The following GNL3 variants were observed in gnomAD, a reference collection of about 807,000 sequenced individuals.
GNL3 encodes the protein G protein nucleolar 3, also known as guanine nucleotide-binding protein-like 3.
A neutral mutation model predicts 70.6 loss-of-function variants in GNL3; 77 were observed. That is an observed-to-expected ratio of 1.09 (90% CI 0.91 to 1.32). The LOEUF (loss-of-function observed/expected upper bound fraction) is 1.32, where lower values mean the gene tolerates loss of function less well. Ranked by LOEUF, GNL3 falls within the 40% of genes most tolerant of loss-of-function variation. GNL3 has a pLI of 0.00. For missense variants in GNL3, 634 were observed against 644.0 expected (o/e 0.98, Z 0.17); for synonymous variants, 252 against 216.1 (o/e 1.17, Z -1.46).
chr3:52,687,431 G>A lies in GNL3; in HGVS notation c.210+48G>A, dbSNP rs377488849. ...TTCATTGAGTGGTGTAGTGTGTTAT[G>A]TGTGATATTTTTCAGAGTAAGGTAA... On this transcript the variant is annotated intron_variant, in intron 3 of 14. Coordinates refer to ENST00000418458, the MANE Select transcript of GNL3 (RefSeq NM_014366.5). The A allele has an allele frequency of 3.1e-6, 5 of 1,604,408 alleles. No homozygotes were observed. The South Asian group carries it at 3.3e-5, about 11-fold the overall frequency.
At position 52,692,877 on chromosome 3, in the gene GNL3, T is replaced by G; in HGVS notation, c.875T>G (p.Met292Arg). ...VGVSMGLTRS[M>R]QVVPLDKQIT... ...TTCCATCGCTCTTCTTTCAGGAGCA[T>G]GCAAGTTGTCCCCTTGGACAAACAG... Residue 292 changes from methionine (M) to arginine (R), a missense_variant, in exon 10 of 15, where the codon ATG (methionine) becomes AGG (arginine). Physicochemically the swap from Met to Arg is moderately conservative, Grantham distance 91 (BLOSUM62 -1). Transcript: ENST00000418458. 6.2e-7 allele frequency: 1 copy of G among 1,611,788 alleles called. No homozygotes were observed.
chr3:52,693,893 T>A, intron 13 of GNL3, 86 bp downstream of exon 13: 1 of 1,369,042 alleles, frequency 7.3e-7, no homozygotes, highest in Non-Finnish European at 1.0e-6. Flanking sequence ...TAGGAAATAT[T>A]TGAGGCTTGT....
Position 52,693,026 on chromosome 3 carries a change from T to G in GNL3, c.1024T>G (p.Ser342Ala). The change falls in exon 10 of 15, where the codon TCC (serine) becomes GCC (alanine). Residue 342 changes from serine to alanine, a missense_variant. Transcript: ENST00000418458. Reference protein sequence around the residue: ...KPMEAASAILSQADARQVVLK... With the variant: ...KPMEAASAILAQADARQVVLK... ...GATGGAGGCTGCCAGTGCCATCCTT[T>G]CCCAGGCTGATGCTCGACAGGTAAA... The G allele has an allele frequency of 6.2e-7, 1 of 1,614,208 alleles. No homozygotes were observed. Among genetic ancestry groups the G allele is most frequent in the Middle Eastern group, 1.6e-4 (1 of 6,062 alleles).
chr3:52,686,196 T>C, intron 1 of GNL3, 91 bp downstream of exon 1: 1 of 1,422,682 alleles, frequency 7.0e-7, no homozygotes. Context: ...CGGCTTTGTC[T>C]CTGCTGGTAT....
chr3:52,686,783 A>C lies in GNL3; in HGVS notation c.28A>C (p.Ser10Arg). The change falls in exon 2 of 15, where the codon AGT (serine) becomes CGT (arginine). Residue 10 changes from serine (S) to arginine (R), a missense_variant. Ser to Arg is a moderately radical substitution (Grantham distance 110). Transcript: ENST00000418458. Reference protein sequence around the residue: MKRPKLKKASKRMTCHKRYK... With the variant: MKRPKLKKARKRMTCHKRYK... ...TTTCTTTGTAGAGTTAAAGAAAGCA[A>C]GTAAACGCATGACCTGCCATAAGCG... The C allele has an allele frequency of 6.2e-7, 1 of 1,612,458 alleles. No homozygotes were observed. The highest frequency in any genetic ancestry group is 8.5e-7 in the Non-Finnish European group (1 of 1,178,416).
At chr3:52,685,966 C>G, upstream of GNL3, 1 of 751,150 alleles carries the variant, frequency 1.3e-6, no homozygotes, top group Non-Finnish European at 2.5e-6. Context: ...CGTGCCCGCG[C>G]ACGCAGAGAG....
At chr3:52,687,098 A>G in intron 2 of GNL3, 148 bp from the exon 3 acceptor site, 2 of 690,548 alleles carry the variant, frequency 2.9e-6, no homozygotes, top group Non-Finnish European at 5.0e-6. Flanking sequence ...TTACATATGC[A>G]TTACTTTGTA....
intron 2 of GNL3, 192 bp downstream of exon 2, chr3:52,687,019 C>CAGCATG: frequency 1.6e-6 from 1 of 630,796 alleles, no homozygotes; most frequent in Non-Finnish European, 2.8e-6. Flanking sequence ...TGATAAGTCT[C>CAGCATG]TAAATTTGTT....
At position 52,693,469 on chromosome 3, in the gene GNL3, G is replaced by C. The variant is rs113119676; in HGVS notation, c.1249G>C (p.Glu417Gln). The C allele has an allele frequency of 5.0e-6, 8 of 1,614,016 alleles. No individual in the cohort carries two copies. The highest frequency in any genetic ancestry group is 4.0e-5 in the African/African-American group (3 of 75,044). The change falls in exon 12 of 15, where the codon GAG (glutamate) becomes CAG (glutamine). Residue 417 changes from glutamate to glutamine, a missense_variant. Physicochemically the swap from Glu to Gln is conservative, Grantham distance 29. Coordinates refer to ENST00000418458, the MANE Select transcript of GNL3 (RefSeq NM_014366.5). ...TSWTPPPYFN[E>Q]SIVVDMKSGF... ...TTGGACTCCTCCTCCATATTTTAATGAGAGTATTGTGGTAGACATGAAAAG... is the reference window on the plus strand; with the variant it reads ...TTGGACTCCTCCTCCATATTTTAATCAGAGTATTGTGGTAGACATGAAAAG...
chr3:52,691,617 T>C lies in GNL3; in HGVS notation c.857T>C (p.Met286Thr), dbSNP rs1455344455. The change falls in exon 9 of 15, where the codon ATG becomes ACG. Residue 286 changes from methionine (M) to threonine (T), a missense_variant. Transcript: ENST00000418458. ...QEQMCNVGVS[M>T]GLTRSMQVVP... ...CAGATGTGTAATGTTGGTGTATCCATGGGGCTTACAAGGTAAATGGAGGTG... is the reference window on the plus strand; with the variant it reads ...CAGATGTGTAATGTTGGTGTATCCACGGGGCTTACAAGGTAAATGGAGGTG... 1.3e-6 allele frequency: 2 copies of C among 1,563,950 alleles called. No homozygotes were observed. Among genetic ancestry groups the C allele is most frequent in the South Asian group, 1.1e-5 (1 of 89,982 alleles).
In GNL3 at chr3:52,693,763, G is replaced by A; in HGVS notation, c.1456G>A (p.Asp486Asn). 14 of 1,614,130 alleles carry A rather than the reference G, an allele frequency of 8.7e-6. No homozygotes were observed. The highest frequency in any genetic ancestry group is 1.2e-5 in the Non-Finnish European group (14 of 1,179,964). ...AGAAAGGAAGCAGGAGGAGAGGGAG[G>A]ATGACAAAGACAGTGACCAGGAAAC... ...RKERKQEERE[D>N]DKDSDQETVD... Residue 486 changes from aspartate to asparagine, a missense_variant, in exon 13 of 15, where the codon GAT becomes AAT. Transcript: ENST00000418458.
chr3:52,690,871 G>T, intron 7 of GNL3, 74 bp from the exon 8 acceptor site: 1 of 1,470,674 alleles, frequency 6.8e-7, no homozygotes, highest in Non-Finnish European at 9.5e-7. Context: ...CTGGGCTCTG[G>T]AGCCTGATTG....
In GNL3 at chr3:52,689,067, T is replaced by A; in HGVS notation, c.409-7T>A. 6.2e-7 allele frequency: 1 copy of A among 1,612,416 alleles called. No individual in the cohort carries two copies. Among genetic ancestry groups the A allele is most frequent in the Non-Finnish European group, 8.5e-7 (1 of 1,178,436 alleles). On this transcript the variant is annotated splice_polypyrimidine_tract_variant and splice_region_variant and intron_variant, in intron 5 of 14. Transcript: ENST00000418458. Reference sequence around the variant, plus strand: ...TAATGTAGTTCTGGTCATTTTTTCCTTGATAGGTGATTGAAGCCTCCGATG... The same window carrying A: ...TAATGTAGTTCTGGTCATTTTTTCCATGATAGGTGATTGAAGCCTCCGATG...
At position 52,694,435 on chromosome 3, in the gene GNL3, A is replaced by G. The variant is rs988765202; in HGVS notation, c.*160A>G. ...AATCCCTAAATTCTGTAAAAAGACAATTCATCTCATTGTGAGTGGAAGTAG... is the reference window on the plus strand; with the variant it reads ...AATCCCTAAATTCTGTAAAAAGACAGTTCATCTCATTGTGAGTGGAAGTAG... On this transcript the variant is annotated 3_prime_UTR_variant, in exon 15 of 15. Coordinates refer to ENST00000418458, the MANE Select transcript of GNL3 (RefSeq NM_014366.5). The G allele has an allele frequency of 3.6e-5, 21 of 588,716 alleles. No individual in the cohort carries two copies. The highest frequency in any genetic ancestry group is 5.4e-5 in the Non-Finnish European group (18 of 331,202). 36.5% of individuals were successfully genotyped at this position (588,716 alleles called of 1,614,324 possible).
intron 9 of GNL3, among the ~76,000 whole-genome samples, chr3:52,692,275 T>TGG (rs2097328017): frequency 6.6e-6 from 1 of 151,902 alleles, no homozygotes; most frequent in South Asian, 2.1e-4. Flanking sequence ...CTCAAACTCC[T>TGG]GGCCTTAAGT....
Position 52,687,512 on chromosome 3 carries a change from T to C in GNL3, c.221T>C (p.Leu74Pro). 1.2e-6 allele frequency: 2 copies of C among 1,612,690 alleles called. No homozygotes were observed. Among genetic ancestry groups the C allele is most frequent in the African/African-American group, 2.7e-5 (2 of 74,960 alleles). Reference protein sequence around the residue: ...AELRKQRLEELKQQQKLDRQK... With the variant: ...AELRKQRLEEPKQQQKLDRQK... ...TTATGGCTCTGACAGCTTGAAGAAC[T>C]AAAACAGCAGCAGAAACTTGACAGG... The change falls in exon 4 of 15, where the codon CTA becomes CCA. Residue 74 changes from leucine to proline, a missense_variant. Coordinates refer to ENST00000418458, the MANE Select transcript of GNL3 (RefSeq NM_014366.5).
chr3:52,689,212 TA>T lies in GNL3; in HGVS notation c.541+9del. The stretch of plus-strand genomic sequence containing the variant: ...ACTTATATTAAATAAATCAGGTGAG[TA>T]AAGAGGGTACCCTTTGTCTTCTGTG... On this transcript the variant is annotated splice_region_variant and intron_variant, in intron 6 of 14. Coordinates refer to ENST00000418458, the MANE Select transcript of GNL3 (RefSeq NM_014366.5). 6.2e-7 allele frequency: 1 copy of T among 1,611,946 alleles called. No individual in the cohort carries two copies. The highest frequency in any genetic ancestry group is 8.5e-7 in the Non-Finnish European group (1 of 1,178,154).
intron 5 of GNL3, among the ~76,000 whole-genome samples, 177 bp downstream of exon 5, chr3:52,688,369 G>A (rs552733691): frequency 6.6e-5 from 10 of 152,222 alleles, no homozygotes; most frequent in Non-Finnish European, 1.0e-4. Context: ...AGCCTAGTAC[G>A]ACATTAGTTA....
rs750249367 is a variant in GNL3, at chr3:52,690,613, T to G, written c.563T>G (p.Leu188Trp). 1.3e-5 allele frequency: 21 copies of G among 1,606,714 alleles called. No homozygotes were observed. Among genetic ancestry groups the G allele is most frequent in the Non-Finnish European group, 1.7e-5 (20 of 1,173,378 alleles). The change falls in exon 7 of 15, where the codon TTG (leucine) becomes TGG (tryptophan). Residue 188 changes from leucine to tryptophan, a missense_variant. Physicochemically the swap from Leu to Trp is moderately conservative, Grantham distance 61. Transcript: ENST00000418458. ...TCAGATCTGGTACCAAAGGAGAATT[T>G]GGAGAGCTGGCTAAATTATTTGAAG... The part of the protein sequence containing the change: ...NKSDLVPKEN[L>W]ESWLNYLKKE...
Sources: allele counts gnomAD v4.1 joint callset (sites outside exome capture counted in the v4.1 genomes callset), GRCh38; gene constraint gnomAD v4.1.1; transcripts MANE v1.5; gene names NCBI Gene and HGNC (gene_info 2026-07-23, HGNC 2026-07-21).